CARHSP1: variants seen among roughly 807,000 people sequenced by gnomAD.
CARHSP1 encodes calcium-regulated heat-stable protein 1.
A neutral mutation model predicts 12.5 loss-of-function variants in CARHSP1; 14 were observed. The ratio of observed to expected loss-of-function variants is 1.12; its 90% CI spans 0.74 to 1.75. The LOEUF is 1.75. Ranked by LOEUF, CARHSP1 falls within the 40% of genes most tolerant of loss-of-function variation. The pLI, the probability that CARHSP1 is intolerant of heterozygous loss-of-function variation, is 0.00. For missense variants in CARHSP1, 343 were observed against 201.6 expected (o/e 1.70, Z -4.25); for synonymous variants, 161 against 82.0 (o/e 1.96, Z -5.20).
At chr16:8,863,754 G>T (rs906120647) in intron 1 of CARHSP1, among the ~76,000 whole-genome samples, 7 of 152,052 alleles carry the variant, frequency 4.6e-5, no homozygotes, top group Admixed American at 2.0e-4. Flanking sequence ...AGTCCAGCTG[G>T]AAAGAAAACA....
chr16:8,857,263 GTTTTTTTTTTTTT>G (rs756390920), intron 3 of CARHSP1, among the ~76,000 whole-genome samples: 5,078 of 57,100 alleles, frequency 0.089, 845 homozygotes, highest in African/African-American at 0.25. Context: ...GGGCAGATCT[GTTTTTTTTTTTTT>G]TTTTTTTTTT....
intron 1 of CARHSP1, among the ~76,000 whole-genome samples, chr16:8,862,955 G>C (rs145711893): frequency 2.0e-3 from 307 of 152,088 alleles, no homozygotes; most frequent in Admixed American, 3.5e-3. Context: ...AACACCCCAA[G>C]TGCACCCAAT....
At position 8,855,071 on chromosome 16, in the gene CARHSP1, G is replaced by T; in HGVS notation, c.*93C>A. On this transcript the variant is annotated 3_prime_UTR_variant, in exon 4 of 4. Transcript: ENST00000311052. Reference sequence around the variant, plus strand: ...AGGGACCATGCCCGGCTGAAGCCCCGTCTCGTGTGGAAGAATGTCATCTCC... The same window carrying T: ...AGGGACCATGCCCGGCTGAAGCCCCTTCTCGTGTGGAAGAATGTCATCTCC... The T allele has an allele frequency of 2.0e-6, 2 of 1,021,414 alleles. No homozygotes were observed. Among genetic ancestry groups the T allele is most frequent in the Non-Finnish European group, 2.6e-6 (2 of 781,046 alleles). The allele number at this position is 1,021,414 out of a possible 1,614,324, so 63.3% of individuals were successfully genotyped here. A position where few individuals can be genotyped will look rare whatever the true frequency, so the allele number is the denominator to read the frequency against.
chr16:8,863,329 T>A (rs2061401341), intron 1 of CARHSP1, among the ~76,000 whole-genome samples: 1 of 151,870 alleles, frequency 6.6e-6, no homozygotes, highest in Non-Finnish European at 1.5e-5. Flanking sequence ...CCCAGGCTGG[T>A]CTTAAACTCC....
chr16:8,862,667 G>A (rs2061387180), intron 1 of CARHSP1, among the ~76,000 whole-genome samples: 1 of 152,180 alleles, frequency 6.6e-6, no homozygotes, highest in South Asian at 2.1e-4. Context: ...GCTGTTCCAG[G>A]TATAGGGAAC....
intron 1 of CARHSP1, among the ~76,000 whole-genome samples, chr16:8,865,794 G>A (rs751700176): frequency 6.6e-6 from 1 of 152,208 alleles, no homozygotes; most frequent in Non-Finnish European, 1.5e-5. Context: ...CAACAGGGGA[G>A]GCACTTTTAG....
At chr16:8,860,497 C>G in intron 1 of CARHSP1, 1 of 985,394 alleles carries the variant, frequency 1.0e-6, no homozygotes. Flanking sequence ...GCTCGAGGTT[C>G]AGGGGAAAGA....
intron 1 of CARHSP1, 150 bp from the exon 2 acceptor site, chr16:8,859,485 G>A (rs191336413): frequency 2.7e-6 from 2 of 730,906 alleles, no homozygotes; most frequent in Non-Finnish European, 4.3e-6. Flanking sequence ...GAGCACGCCT[G>A]GCAGGGTCAG....
Position 8,859,255 on chromosome 16 carries a change from C to A in CARHSP1, c.74G>T (p.Arg25Leu), listed in dbSNP as rs372296266. The A allele has an allele frequency of 5.0e-6, 8 of 1,599,036 alleles. No individual in the cohort carries two copies. The African/African-American group carries it at 7.0e-5, about 14-fold the overall frequency. Residue 25 changes from arginine (R) to leucine (L), a missense_variant, in exon 2 of 4, where the codon CGG becomes CTG. Physicochemically the swap from Arg to Leu is moderately radical, Grantham distance 102. Coordinates refer to ENST00000311052, the MANE Select transcript of CARHSP1 (RefSeq NM_014316.4). ...QASVGLLDTP[R>L]SRERSPSPLR... The stretch of plus-strand genomic sequence containing the variant: ...AGGGGATGGTGAGCGCTCACGGCTC[C>A]GAGGGGTGTCCAGCAGCCCGACTGA...
intron 1 of CARHSP1, among the ~76,000 whole-genome samples, chr16:8,861,199 T>TTTTTTTA (rs1567187143): frequency 8.3e-5 from 5 of 60,570 alleles, no homozygotes; most frequent in Non-Finnish European, 1.3e-4. Context: ...TTTTTTTTTT[T>TTTTTTTA]ATAGAGACAG....
intron 1 of CARHSP1, chr16:8,860,373 G>C: frequency 1.0e-6 from 1 of 985,440 alleles, no homozygotes; most frequent in Non-Finnish European, 1.2e-6. Context: ...GCTGGAGGGC[G>C]GGAATTCCCT....
intron 1 of CARHSP1, chr16:8,868,483 G>C (rs1336599476): frequency 6.7e-6 from 1 of 150,344 alleles, no homozygotes; most frequent in Non-Finnish European, 1.5e-5. Flanking sequence ...ATCGCGCGGC[G>C]CCAGGACGGC....
intron 3 of CARHSP1, among the ~76,000 whole-genome samples, chr16:8,857,286 T>TG (rs1567181274): frequency 8.0e-6 from 1 of 125,458 alleles, no homozygotes; most frequent in African/African-American, 3.0e-5. Context: ...TTTTTTTTTT[T>TG]TTTTTTTTTT....
intron 1 of CARHSP1, among the ~76,000 whole-genome samples, chr16:8,864,671 C>T (rs1240379468): frequency 2.0e-5 from 3 of 152,206 alleles, no homozygotes. Context: ...GCCATGCACC[C>T]CCTTCCCCAG....
Position 8,859,330 on chromosome 16 carries a change from GCTGAC to G in CARHSP1, c.-7_-3del. 6.3e-7 allele frequency: 1 copy of G among 1,599,262 alleles called. No homozygotes were observed. The highest frequency in any genetic ancestry group is 8.5e-7 in the Non-Finnish European group (1 of 1,178,270). ...TGGTGGGGGAGGCTCAGATGACATG[GCTGAC>G]CTGGAAAGAGAAGAGGCTGTCAGGG... On this transcript the variant is annotated splice_region_variant and 5_prime_UTR_variant, in exon 2 of 4. Transcript: ENST00000311052.
At chr16:8,864,213 C>T (rs2061418771) in intron 1 of CARHSP1, among the ~76,000 whole-genome samples, 1 of 152,192 alleles carries the variant, frequency 6.6e-6, no homozygotes, top group African/African-American at 2.4e-5. Context: ...TATGTGCCCA[C>T]ACATGGCTGT....
At chr16:8,860,154 C>T in intron 1 of CARHSP1, 1 of 985,454 alleles carries the variant, frequency 1.0e-6, no homozygotes, top group Non-Finnish European at 1.2e-6. Context: ...TCGCAGAGAG[C>T]TCAAGCGCCA....
intron 3 of CARHSP1, among the ~76,000 whole-genome samples, chr16:8,855,567 G>T (rs1293529965): frequency 1.3e-5 from 2 of 152,186 alleles, no homozygotes; most frequent in African/African-American, 4.8e-5. Context: ...TTTGATGCTG[G>T]AACTGAAAGA....
chr16:8,866,417 G>C (rs1264366223), intron 1 of CARHSP1: 9 of 984,486 alleles, frequency 9.1e-6, no homozygotes, highest in African/African-American at 3.5e-5. Flanking sequence ...GAGTAGCGAA[G>C]TTACCTTAGT....
Sources: gnomAD v4.1 joint callset for allele counts (sites outside exome capture counted in the v4.1 genomes callset) on GRCh38, gnomAD v4.1.1 for gene constraint, MANE v1.5 for transcripts, NCBI Gene and HGNC (gene_info 2026-07-23, HGNC 2026-07-21) for gene names.